The following AASS variants were observed in gnomAD, a reference collection of about 807,000 sequenced individuals.
AASS encodes aminoadipate-semialdehyde synthase, also known as alpha-aminoadipic semialdehyde synthase, mitochondrial.
In AASS, 86 loss-of-function variants were observed where a neutral mutation model predicts 105.4. That is an observed-to-expected ratio of 0.82 (90% CI 0.69 to 0.98). AASS has a LOEUF of 0.98. Among genes scored for constraint, AASS ranks in the 50% least tolerant of loss-of-function variants. AASS has a pLI of 0.00. For missense variants in AASS, 1,048 were observed against 1,143.2 expected (o/e 0.92, Z 1.20); for synonymous variants, 381 against 394.8 (o/e 0.96, Z 0.41).
chr7:122,086,925 G>A (rs1330494338), intron 18 of AASS, among the ~76,000 whole-genome samples: 2 of 152,054 alleles, frequency 1.3e-5, no homozygotes, highest in Admixed American at 1.3e-4. Context: ...ATGCAATGAA[G>A]GATTTCTTTG....
At chr7:122,126,559 G>A (rs1562987973) in intron 3 of AASS, 100 bp from the exon 4 acceptor site, 1 of 984,098 alleles carries the variant, frequency 1.0e-6, no homozygotes, top group Non-Finnish European at 1.6e-6. Flanking sequence ...TTTTTCCTCT[G>A]AAATACACCT....
At chr7:122,116,980 A>C in intron 6 of AASS, 23 bp from the exon 7 acceptor site, 1 of 1,600,558 alleles carries the variant, frequency 6.2e-7, no homozygotes, top group African/African-American at 1.3e-5. Flanking sequence ...CATGAGTAAA[A>C]ATCCAAAAAT....
chr7:122,090,971 C>T (rs182944984), intron 18 of AASS, among the ~76,000 whole-genome samples: 2 of 152,192 alleles, frequency 1.3e-5, no homozygotes, highest in East Asian at 3.9e-4. Flanking sequence ...GCCAATTAAA[C>T]TGTTCTCCCA....
chr7:122,091,585 G>A (rs1417046552), intron 18 of AASS, 118 bp downstream of exon 18: 1 of 1,433,086 alleles, frequency 7.0e-7, no homozygotes, highest in Non-Finnish European at 9.7e-7. Flanking sequence ...AACACAGGAG[G>A]AGATAATGGA....
At chr7:122,117,002 G>C (rs1266670423) in intron 6 of AASS, 45 bp from the exon 7 acceptor site, 1 of 1,524,938 alleles carries the variant, frequency 6.6e-7, no homozygotes, top group South Asian at 1.1e-5. Context: ...AATAGAAAAA[G>C]AACCAACATG....
chr7:122,119,633 A>G (rs1795347657), intron 4 of AASS, among the ~76,000 whole-genome samples: 1 of 152,202 alleles, frequency 6.6e-6, no homozygotes, highest in African/African-American at 2.4e-5. Context: ...GAAATAGTTT[A>G]CATACAACAT....
At chr7:122,092,791 A>AT (rs775716898) in intron 17 of AASS, 52 bp downstream of exon 17, 7 of 1,396,882 alleles carry the variant, frequency 5.0e-6, no homozygotes, top group Non-Finnish European at 7.1e-6. Context: ...TTGATTCTGT[A>AT]CACAAGAATT....
chr7:122,125,294 A>T (rs763029959), intron 4 of AASS, among the ~76,000 whole-genome samples: 62 of 152,344 alleles, frequency 4.1e-4, no homozygotes, highest in Admixed American at 1.2e-3. Context: ...AAGCAGGTGG[A>T]TGCAAGTATA....
intron 4 of AASS, among the ~76,000 whole-genome samples, chr7:122,121,335 A>C (rs1482335439): frequency 6.6e-6 from 1 of 152,166 alleles, no homozygotes; most frequent in Non-Finnish European, 1.5e-5. Context: ...TTTTATTTCT[A>C]CCTGTGTTAT....
At chr7:122,098,611 T>C (rs1261233021) in intron 14 of AASS, 35 bp from the exon 15 acceptor site, 2 of 1,596,366 alleles carry the variant, frequency 1.3e-6, no homozygotes, top group East Asian at 2.2e-5. Flanking sequence ...TTTTTAGATA[T>C]GTCAGAGTAA....
Position 122,119,147 on chromosome 7 carries a change from A to G in AASS, c.473-517T>C, listed in dbSNP as rs1795325581. ...TAGATCAGATCAGAAGTACTTGGCA[A>G]TGCAGACCTCTTCTTTGTTGAAACG... is the stretch of plus-strand genomic sequence containing the variant. On this transcript the variant is annotated intron_variant, in intron 4 of 23. Coordinates refer to ENST00000417368, the MANE Select transcript of AASS (RefSeq NM_005763.4). 3.3e-5 allele frequency among the ~76,000 whole-genome samples: 5 copies of G among 152,170 alleles called. No individual in the cohort carries two copies. In the South Asian group the frequency reaches 1.0e-3, roughly 32 times the overall value.
intron 1 of AASS, 184 bp from the exon 2 acceptor site, chr7:122,133,925 G>A (rs1489788397): frequency 1.6e-6 from 1 of 622,058 alleles, no homozygotes; most frequent in African/African-American, 1.8e-5. Context: ...TCAAAAACAA[G>A]ATTATTTAAC....
At chr7:122,134,363 G>T (rs981522511) in intron 1 of AASS, among the ~76,000 whole-genome samples, 2 of 152,086 alleles carry the variant, frequency 1.3e-5, no homozygotes, top group Non-Finnish European at 2.9e-5. Context: ...AATATCACAT[G>T]ATCATATTTA....
chr7:122,142,426 C>A (rs2150561545), intron 1 of AASS, among the ~76,000 whole-genome samples: 1 of 152,278 alleles, frequency 6.6e-6, no homozygotes, highest in South Asian at 2.1e-4. Flanking sequence ...TAATCCCCCA[C>A]CCTTACATTA....
At chr7:122,115,615 C>A (rs191746155) in intron 8 of AASS, among the ~76,000 whole-genome samples, 1 of 152,082 alleles carries the variant, frequency 6.6e-6, no homozygotes, top group African/African-American at 2.4e-5. Context: ...ATTTTTCTTA[C>A]TTGCCAGATG....
chr7:122,133,861 A>G (rs1162909497), intron 1 of AASS, 120 bp from the exon 2 acceptor site: 4 of 890,906 alleles, frequency 4.5e-6, no homozygotes, highest in Admixed American at 1.9e-5. Context: ...GACACAAGGT[A>G]GAGAAGAGGG....
intron 18 of AASS, among the ~76,000 whole-genome samples, chr7:122,087,032 G>T (rs1344206992): frequency 1.3e-5 from 2 of 152,102 alleles, no homozygotes; most frequent in African/African-American, 2.4e-5. Flanking sequence ...ATAAAATTAG[G>T]TCTGAGAATT....
intron 17 of AASS, among the ~76,000 whole-genome samples, chr7:122,092,137 T>G (rs1435731316): frequency 2.0e-5 from 3 of 151,622 alleles, no homozygotes; most frequent in Admixed American, 6.6e-5. Context: ...AACTTTTGTA[T>G]TCAAATTATA....
At chr7:122,136,989 G>A (rs186453543) in intron 1 of AASS, among the ~76,000 whole-genome samples, 1 of 152,302 alleles carries the variant, frequency 6.6e-6, no homozygotes, top group Non-Finnish European at 1.5e-5. Context: ...TATCTTGGAA[G>A]ACTAGGGAAA....
Sources: gnomAD v4.1 joint callset for allele counts (sites outside exome capture counted in the v4.1 genomes callset) on GRCh38, gnomAD v4.1.1 for gene constraint, MANE v1.5 for transcripts, NCBI Gene and HGNC (gene_info 2026-07-23, HGNC 2026-07-21) for gene names.